The following AFF4 variants were observed in gnomAD, a reference collection of about 807,000 sequenced individuals.
AFF4 encodes the protein AF4/FMR2 family member 4.
AFF4 carries 13 observed loss-of-function variants against 124.8 expected under a neutral mutation model. That is an observed-to-expected ratio of 0.10 (90% CI 0.07 to 0.17). The LOEUF is 0.17. Ranked by LOEUF, AFF4 falls within the 10% of genes least tolerant of loss-of-function variation. The pLI is 1.00. For missense variants in AFF4, 1,092 were observed against 1,403.8 expected (o/e 0.78, Z 3.55); for synonymous variants, 477 against 496.1 (o/e 0.96, Z 0.51).
At chr5:132,908,378 GGATGCCACAAA>G (rs1307241276) in intron 5 of AFF4, among the ~76,000 whole-genome samples, 1 of 151,928 alleles carries the variant, frequency 6.6e-6, no homozygotes, top group East Asian at 1.9e-4. Flanking sequence ...TGGTTTCACT[GGATGCCACAAA>G]GATATAGTTA....
chr5:132,933,669 A>G (rs1761352311), intron 3 of AFF4, among the ~76,000 whole-genome samples: 1 of 152,246 alleles, frequency 6.6e-6, no homozygotes, highest in African/African-American at 2.4e-5. Context: ...CTTTAAGTAT[A>G]ACCAGAGAAA....
At chr5:132,894,367 C>G (rs531490955) in intron 11 of AFF4, among the ~76,000 whole-genome samples, 1 of 152,308 alleles carries the variant, frequency 6.6e-6, no homozygotes, top group East Asian at 1.9e-4. Flanking sequence ...CATAGCACAG[C>G]CTAGTGACTC....
chr5:132,918,086 T>C (rs1245507912), intron 5 of AFF4, among the ~76,000 whole-genome samples: 1 of 150,832 alleles, frequency 6.6e-6, no homozygotes, highest in Admixed American at 6.6e-5. Flanking sequence ...ATTCCATTTA[T>C]AATAGCACTA....
At position 132,876,867 on chromosome 5, in the gene AFF4, G is replaced by A. The variant is rs575784971; in HGVS notation, c.*4192C>T. 3 of 196,798 alleles carry A rather than the reference G, an allele frequency of 1.5e-5. No homozygotes were observed. The highest frequency in any genetic ancestry group is 2.3e-5 in the African/African-American group (1 of 43,316). 12.2% of individuals were successfully genotyped at this position (196,798 alleles called of 1,614,324 possible). On this transcript the variant is annotated 3_prime_UTR_variant, in exon 21 of 21. Transcript: ENST00000265343. ...GTCTAAAGTGAATTTCTCCATTAGC[G>A]AGTATCTGAAAGACATGCTCACAAA...
At position 132,886,140 on chromosome 5, in the gene AFF4, T is replaced by A. The variant is rs568232838; in HGVS notation, c.3099+170A>T. On this transcript the variant is annotated intron_variant, in intron 18 of 20. Coordinates refer to ENST00000265343, the MANE Select transcript of AFF4 (RefSeq NM_014423.4). ...TGGCTATAAGAGTTCTACAATCAGA[T>A]ACACGTAGATTAAAAAACTCAAAGA... is the stretch of plus-strand genomic sequence containing the variant. Among the ~76,000 whole-genome samples, 92 of 152,302 alleles carry A rather than the reference T, an allele frequency of 6.0e-4. 1 individual carries two copies. Among genetic ancestry groups the A allele is most frequent in the African/African-American group, 2.1e-3 (88 of 41,570 alleles).
intron 13 of AFF4, 150 bp downstream of exon 13, chr5:132,892,014 T>TA (rs1418389295): frequency 2.5e-4 from 291 of 1,182,664 alleles, no homozygotes; most frequent in African/African-American, 6.8e-4. Context: ...ACTGTATTCA[T>TA]TTATCAGGAT....
chr5:132,902,720 C>T (rs190390904), intron 6 of AFF4, among the ~76,000 whole-genome samples: 11 of 152,246 alleles, frequency 7.2e-5, no homozygotes, highest in Admixed American at 2.6e-4. Flanking sequence ...TCTTGAAGGG[C>T]AATCTGGTAA....
At chr5:132,927,059 T>A (rs1761188820) in intron 5 of AFF4, 62 bp downstream of exon 5, 2 of 1,415,036 alleles carry the variant, frequency 1.4e-6, no homozygotes, top group African/African-American at 2.9e-5. Flanking sequence ...TTAATCCATA[T>A]GATTTTAGTC....
chr5:132,949,700 A>ACGCGCGCG (rs34997571), intron 1 of AFF4, among the ~76,000 whole-genome samples: 13 of 146,700 alleles, frequency 8.9e-5, no homozygotes, highest in African/African-American at 2.8e-4. Flanking sequence ...ACACACACAC[A>ACGCGCGCG]CGCGCGCGCG....
At chr5:132,908,759 T>C (rs1373577500) in intron 5 of AFF4, among the ~76,000 whole-genome samples, 1 of 128,778 alleles carries the variant, frequency 7.8e-6, no homozygotes, top group African/African-American at 3.3e-5. Flanking sequence ...TATATATACA[T>C]ATATATATAT....
At chr5:132,915,662 G>A (rs1258007188) in intron 5 of AFF4, among the ~76,000 whole-genome samples, 3 of 148,142 alleles carry the variant, frequency 2.0e-5, no homozygotes, top group Non-Finnish European at 4.5e-5. Flanking sequence ...CCACCTCCCA[G>A]GTTCAAGCGA....
chr5:132,949,746 C>T (rs895936698), intron 1 of AFF4, among the ~76,000 whole-genome samples: 10 of 151,316 alleles, frequency 6.6e-5, no homozygotes, highest in Non-Finnish European at 1.3e-4. Context: ...CCCGCAGTCC[C>T]GGCTACTCGG....
In AFF4 at chr5:132,875,859, G is replaced by A. The variant is rs2150057249; in HGVS notation, c.*5200C>T. 4.5e-6 allele frequency: 1 copy of A among 221,256 alleles called. No individual in the cohort carries two copies. The highest frequency in any genetic ancestry group is 1.8e-4 in the South Asian group (1 of 5,442). The allele number at this position is 221,256 out of a possible 1,614,324, so 13.7% of individuals were successfully genotyped here. A position where few individuals can be genotyped will look rare whatever the true frequency, so the allele number is the denominator to read the frequency against. On this transcript the variant is annotated 3_prime_UTR_variant, in exon 21 of 21. Coordinates refer to ENST00000265343, the MANE Select transcript of AFF4 (RefSeq NM_014423.4). ...TTGGATAAAAGAAATGTAAAACAAA[G>A]ATTTGGTTCATGTACAAAACAAAGG...
At position 132,896,870 on chromosome 5, in the gene AFF4, T is replaced by C; in HGVS notation, c.1760A>G (p.Glu587Gly). Residue 587 changes from glutamate (E) to glycine (G), a missense_variant, in exon 11 of 21, where the codon GAA becomes GGA. By Grantham distance (98) the Glu-to-Gly change is moderately conservative. This residue lies in a region of AFF4 where 174 missense variants were observed against 205.9 expected (regional missense o/e 0.84). Coordinates refer to ENST00000265343, the MANE Select transcript of AFF4 (RefSeq NM_014423.4). ...GCTGCTAGCCAAGTCTACAGGGGTT[T>C]CACTTTCTATCTTCAGGCCTCCACG... ...EPRGGLKIES[E>G]TPVDLASSMP... 2.5e-6 allele frequency: 4 copies of C among 1,614,106 alleles called. No homozygotes were observed. Among genetic ancestry groups the C allele is most frequent in the Non-Finnish European group, 3.4e-6 (4 of 1,180,018 alleles).
chr5:132,909,146 A>C (rs1405292703), intron 5 of AFF4, among the ~76,000 whole-genome samples: 2 of 118,302 alleles, frequency 1.7e-5, no homozygotes, highest in Admixed American at 9.5e-5. Flanking sequence ...TTTTTTTGAG[A>C]TGGAGTTTCA....
chr5:132,896,823 C>T lies in AFF4; in HGVS notation c.1807G>A (p.Ala603Thr). ...ASSMPSSRHK[A>T]ATKGSRKPNI... Reference sequence around the variant, plus strand: ...GGTTTCCTTGAGCCTTTGGTGGCTGCTTTGTGTCTGCTGGAGGGCATGCTG... The same window carrying T: ...GGTTTCCTTGAGCCTTTGGTGGCTGTTTTGTGTCTGCTGGAGGGCATGCTG... The change falls in exon 11 of 21, where the codon GCA (alanine) becomes ACA (threonine). Residue 603 changes from alanine (A) to threonine (T), a missense_variant. Transcript: ENST00000265343. The T allele has an allele frequency of 6.2e-7, 1 of 1,613,996 alleles. No homozygotes were observed. The highest frequency in any genetic ancestry group is 8.5e-7 in the Non-Finnish European group (1 of 1,179,978).
chr5:132,890,883 C>T (rs951023680), intron 13 of AFF4, among the ~76,000 whole-genome samples: 41 of 152,016 alleles, frequency 2.7e-4, no homozygotes, highest in Admixed American at 2.5e-3. Context: ...AAGAAGCTGA[C>T]GAACTTCTTG....
At chr5:132,949,070 G>A (rs1336627004) in intron 1 of AFF4, among the ~76,000 whole-genome samples, 2 of 151,932 alleles carry the variant, frequency 1.3e-5, no homozygotes, top group South Asian at 2.1e-4. Flanking sequence ...TCAAAACATG[G>A]GACTCAGTGA....
rs1759882658 is a variant in AFF4, at chr5:132,878,044, G to GT, written c.*3014dup. On this transcript the variant is annotated 3_prime_UTR_variant, in exon 21 of 21. Coordinates refer to ENST00000265343, the MANE Select transcript of AFF4 (RefSeq NM_014423.4). ...TCTCCACTCTTCGGCAGCTGTAGCT[G>GT]TAAGTTTATCTGAAGTACTCACTGC... The GT allele has an allele frequency of 4.5e-6, 1 of 222,972 alleles. No individual in the cohort carries two copies. The highest frequency in any genetic ancestry group is 9.0e-6 in the Non-Finnish European group (1 of 111,464). The allele number at this position is 222,972 out of a possible 1,614,324, so 13.8% of individuals were successfully genotyped here. A position where few individuals can be genotyped will look rare whatever the true frequency, so the allele number is the denominator to read the frequency against.
Sources: gnomAD v4.1 joint callset for allele counts (sites outside exome capture counted in the v4.1 genomes callset) on GRCh38, gnomAD v4.1.1 for gene constraint, gnomAD v4.1.1 regional missense constraint, MANE v1.5 for transcripts, NCBI Gene and HGNC (gene_info 2026-07-23, HGNC 2026-07-21) for gene names.